SEMA5A: variants seen among roughly 807,000 people sequenced by gnomAD.
The protein encoded by SEMA5A is semaphorin 5A, also known as semaphorin-5A.
In SEMA5A, 55 loss-of-function variants were observed where a neutral mutation model predicts 135.5. That is an observed-to-expected ratio of 0.41 (90% CI 0.33 to 0.51). The LOEUF (loss-of-function observed/expected upper bound fraction) is 0.51. Among genes scored for constraint, SEMA5A ranks in the 20% least tolerant of loss-of-function variants. SEMA5A has a pLI of 0.37. For missense variants in SEMA5A, 1,290 were observed against 1,419.9 expected (o/e 0.91, Z 1.47); for synonymous variants, 580 against 546.5 (o/e 1.06, Z -0.85).
intron 8 of SEMA5A, among the ~76,000 whole-genome samples, chr5:9,216,423 A>C (rs1020295795): frequency 3.9e-5 from 6 of 152,194 alleles, no homozygotes; most frequent in Admixed American, 2.6e-4. Context: ...TCAATTTTAA[A>C]GTATGTACCA....
intron 17 of SEMA5A, among the ~76,000 whole-genome samples, chr5:9,064,282 T>C (rs1037162944): frequency 2.6e-5 from 4 of 152,216 alleles, no homozygotes; most frequent in African/African-American, 7.2e-5. Context: ...AATACCAAAA[T>C]GTGAAATGGT....
intron 1 of SEMA5A, among the ~76,000 whole-genome samples, chr5:9,470,418 G>A (rs1438363385): frequency 1.3e-5 from 2 of 152,204 alleles, no homozygotes; most frequent in African/African-American, 4.8e-5. Context: ...AGCTCCATAT[G>A]TAAAATAAAG....
intron 1 of SEMA5A, among the ~76,000 whole-genome samples, chr5:9,492,361 G>T (rs996638440): frequency 1.3e-5 from 2 of 152,154 alleles, no homozygotes; most frequent in African/African-American, 2.4e-5. Context: ...TCACACAAAT[G>T]GGAAAGCTAA....
intron 6 of SEMA5A, among the ~76,000 whole-genome samples, chr5:9,228,383 T>C (rs1265638510): frequency 1.3e-5 from 2 of 152,192 alleles, no homozygotes; most frequent in Non-Finnish European, 2.9e-5. Flanking sequence ...AGGAGCAGAC[T>C]GTGTCAAAGT....
At chr5:9,486,721 A>G (rs1165330394) in intron 1 of SEMA5A, among the ~76,000 whole-genome samples, 1 of 152,208 alleles carries the variant, frequency 6.6e-6, no homozygotes. Flanking sequence ...GACAGAATGC[A>G]AGAAGAAACC....
chr5:9,484,583 C>T (rs1057261297), intron 1 of SEMA5A, among the ~76,000 whole-genome samples: 6 of 152,104 alleles, frequency 3.9e-5, no homozygotes, highest in South Asian at 4.1e-4. Context: ...TATGGTAGCA[C>T]GATTGAAGTG....
chr5:9,109,028 A>ATTTTTTTTTTTTTTTT lies in SEMA5A; in HGVS notation c.1926-757_1926-742dup, dbSNP rs67762219. ...TCATGAGTCATATTATTTCTCTTCA[A>ATTTTTTTTTTTTTTTT]TTTTTTTTTTTTTTTTTTTTTTTTT... On this transcript the variant is annotated intron_variant, in intron 15 of 22. Transcript: ENST00000382496. 3.6e-4 allele frequency among the ~76,000 whole-genome samples: 33 copies of ATTTTTTTTTTTTTTTT among 92,440 alleles called. 2 individuals carry two copies. The highest frequency in any genetic ancestry group is 7.2e-4 in the East Asian group (2 of 2,768). 60.6% of individuals were successfully genotyped at this position (92,440 alleles called of 152,430 possible). A position where few individuals can be genotyped will look rare whatever the true frequency, so the allele number is the denominator to read the frequency against.
At chr5:9,253,751 A>C (rs1579718276) in intron 5 of SEMA5A, among the ~76,000 whole-genome samples, 1 of 152,126 alleles carries the variant, frequency 6.6e-6, no homozygotes, top group East Asian at 1.9e-4. Flanking sequence ...CTTTCAAGAA[A>C]CCTGAATCTG....
At chr5:9,226,486 T>C (rs998513801) in intron 7 of SEMA5A, among the ~76,000 whole-genome samples, 5 of 152,326 alleles carry the variant, frequency 3.3e-5, no homozygotes, top group African/African-American at 4.8e-5. Flanking sequence ...CCTTGGATTG[T>C]GATTTTAGAC....
At chr5:9,175,387 C>G (rs535597133) in intron 11 of SEMA5A, among the ~76,000 whole-genome samples, 22 of 152,104 alleles carry the variant, frequency 1.4e-4, no homozygotes, top group Non-Finnish European at 2.4e-4. Flanking sequence ...AAATGAACAC[C>G]CATCCCATTG....
At chr5:9,123,507 G>A (rs1212162430) in intron 13 of SEMA5A, among the ~76,000 whole-genome samples, 1 of 151,836 alleles carries the variant, frequency 6.6e-6, no homozygotes, top group Non-Finnish European at 1.5e-5. Flanking sequence ...GCTGAGAAGA[G>A]AGGAGGAGGA....
intron 1 of SEMA5A, among the ~76,000 whole-genome samples, chr5:9,514,682 T>C (rs1736409338): frequency 6.6e-6 from 1 of 152,182 alleles, no homozygotes; most frequent in African/African-American, 2.4e-5. Flanking sequence ...TCTGTACATG[T>C]TCAGTACAGA....
Position 9,257,562 on chromosome 5 carries a change from T to G in SEMA5A, c.271-19672A>C, listed in dbSNP as rs149410017. Among the ~76,000 whole-genome samples the G allele has an allele frequency of 8.9e-3, 1,353 of 151,886 alleles. 16 individuals are homozygous for G. Among genetic ancestry groups the G allele is most frequent in the African/African-American group, 0.027 (1,127 of 41,460 alleles). On this transcript the variant is annotated intron_variant, in intron 5 of 22. Coordinates refer to ENST00000382496, the MANE Select transcript of SEMA5A (RefSeq NM_003966.3). The stretch of plus-strand genomic sequence containing the variant: ...ACAGTCAGCATTAACACAAAATGTG[T>G]GGTTTATACTAGGGACTGAGATTCT...
intron 2 of SEMA5A, among the ~76,000 whole-genome samples, chr5:9,437,505 C>T (rs561676926): frequency 7.2e-5 from 11 of 152,012 alleles, no homozygotes; most frequent in South Asian, 2.1e-4. Flanking sequence ...TATAGGCACG[C>T]GCCACCACGC....
At chr5:9,321,182 C>T (rs1369844035) in intron 4 of SEMA5A, among the ~76,000 whole-genome samples, 1 of 152,168 alleles carries the variant, frequency 6.6e-6, no homozygotes, top group Non-Finnish European at 1.5e-5. Context: ...AAGCTTGCTT[C>T]CCCTTCACCT....
chr5:9,221,753 G>A (rs578061482), intron 8 of SEMA5A, among the ~76,000 whole-genome samples: 29 of 152,264 alleles, frequency 1.9e-4, no homozygotes, highest in South Asian at 6.2e-4. Context: ...TACAGACCCC[G>A]AGTGACAAGA....
rs370886039 is a variant in SEMA5A at position 9,136,466 on chromosome 5, G to C, written c.1599+38C>G. 19 of 1,542,382 alleles carry C rather than the reference G, an allele frequency of 1.2e-5. No individual in the cohort carries two copies. In the African/African-American group the frequency reaches 2.3e-4, roughly 19 times the overall value. ...TCGCCAGGGGAGCATGGCTCCCATG[G>C]GCAGCATTTTCAGAGGATGGAGAAG... On this transcript the variant is annotated intron_variant, in intron 13 of 22. Transcript: ENST00000382496.
chr5:9,197,338 G>A lies in SEMA5A; in HGVS notation c.933-35C>T, dbSNP rs200584678. On this transcript the variant is annotated intron_variant, in intron 9 of 22. Coordinates refer to ENST00000382496, the MANE Select transcript of SEMA5A (RefSeq NM_003966.3). ...GAGGGAGAGAGAGAAGGCAGTCAGA[G>A]AGCTCGGCAGCACCTGCTGACCTCC... 28 of 1,602,504 alleles carry A rather than the reference G, an allele frequency of 1.7e-5. No individual in the cohort carries two copies. The East Asian group carries it at 6.0e-4, about 35-fold the overall frequency.
At chr5:9,086,561 G>A (rs1183668282) in intron 16 of SEMA5A, among the ~76,000 whole-genome samples, 2 of 152,166 alleles carry the variant, frequency 1.3e-5, no homozygotes, top group Non-Finnish European at 2.9e-5. Context: ...ACATGGAATT[G>A]TAAGTCCAAT....
Sources: gnomAD v4.1 joint callset for allele counts (sites outside exome capture counted in the v4.1 genomes callset) on GRCh38, gnomAD v4.1.1 for gene constraint, MANE v1.5 for transcripts, NCBI Gene and HGNC (gene_info 2026-07-23, HGNC 2026-07-21) for gene names.